IMMP2L: variants seen among roughly 807,000 people sequenced by gnomAD.
The protein encoded by IMMP2L is inner mitochondrial membrane peptidase subunit 2, also known as mitochondrial inner membrane protease subunit 2.
Under a neutral mutation model 19.3 loss-of-function variants are expected in IMMP2L, and 18 were observed. That is an observed-to-expected ratio of 0.93 (90% CI 0.64 to 1.38). The LOEUF (loss-of-function observed/expected upper bound fraction) is 1.38. Among genes scored for constraint, IMMP2L ranks in the 40% most tolerant of loss-of-function variants. IMMP2L has a pLI of 0.00. For missense variants in IMMP2L, 233 were observed against 218.2 expected, an observed-to-expected ratio of 1.07 and a Z score of -0.43; for synonymous variants, 76 against 73.0, an observed-to-expected ratio of 1.04 and a Z score of -0.21.
intron 2 of IMMP2L, among the ~76,000 whole-genome samples, chr7:111,508,692 G>T (rs918220100): frequency 6.6e-6 from 1 of 152,130 alleles, no homozygotes; most frequent in Non-Finnish European, 1.5e-5. Context: ...TTAAAGCAAA[G>T]ACACCACTCA....
chr7:110,785,370 T>G (rs1433455861), intron 5 of IMMP2L, among the ~76,000 whole-genome samples: 1 of 151,968 alleles, frequency 6.6e-6, no homozygotes, highest in African/African-American at 2.4e-5. Context: ...TCCACATCAG[T>G]GTGGCTGGAT....
chr7:111,170,804 A>C (rs1246465969), intron 3 of IMMP2L, among the ~76,000 whole-genome samples: 1 of 151,750 alleles, frequency 6.6e-6, no homozygotes, highest in African/African-American at 2.4e-5. Context: ...TTGTTATAAG[A>C]ATACTGCATA....
At chr7:111,546,509 T>C (rs1357638626) in intron 1 of IMMP2L, among the ~76,000 whole-genome samples, 1 of 152,178 alleles carries the variant, frequency 6.6e-6, no homozygotes, top group African/African-American at 2.4e-5. Context: ...CTTTATATAT[T>C]TATGAAATCA....
chr7:111,374,812 G>A (rs1239754820), intron 3 of IMMP2L, among the ~76,000 whole-genome samples: 1 of 152,122 alleles, frequency 6.6e-6, no homozygotes, highest in African/African-American at 2.4e-5. Context: ...TGAAGACACT[G>A]GATGCTGCAT....
chr7:110,912,120 CA>C (rs537982292), intron 4 of IMMP2L, among the ~76,000 whole-genome samples: 4 of 151,258 alleles, frequency 2.6e-5, no homozygotes, highest in South Asian at 2.1e-4. Context: ...AAACCTAAGA[CA>C]AAAAAAACAA....
chr7:110,776,061 G>A (rs777173283), intron 5 of IMMP2L, among the ~76,000 whole-genome samples: 3 of 151,848 alleles, frequency 2.0e-5, no homozygotes, highest in African/African-American at 4.8e-5. Context: ...TAAATAATCC[G>A]TAATTTGAAT....
intron 3 of IMMP2L, chr7:111,122,488 C>T (rs536579421): frequency 5.9e-4 from 172 of 290,372 alleles, no homozygotes; most frequent in Admixed American, 1.5e-3. Flanking sequence ...AAATGAATTA[C>T]TCAATCTCCT....
chr7:111,310,160 G>C (rs12670206), intron 3 of IMMP2L, among the ~76,000 whole-genome samples: 1 of 151,086 alleles, frequency 6.6e-6, no homozygotes. Context: ...GCTTGAACCC[G>C]GGAGGTGGAG....
chr7:111,022,966 C>A (rs985501556), intron 3 of IMMP2L, among the ~76,000 whole-genome samples: 37 of 152,162 alleles, frequency 2.4e-4, no homozygotes, highest in Non-Finnish European at 4.1e-4. Flanking sequence ...GAGCCATGAA[C>A]CGGACACAAT....
At chr7:111,124,236 C>G in intron 3 of IMMP2L, 1 of 1,613,918 alleles carries the variant, frequency 6.2e-7, no homozygotes, top group Non-Finnish European at 8.5e-7. Flanking sequence ...GCGTAACTCC[C>G]AAAGAAGGGG....
At chr7:111,416,180 C>T (rs1216571471) in intron 3 of IMMP2L, among the ~76,000 whole-genome samples, 1 of 151,766 alleles carries the variant, frequency 6.6e-6, no homozygotes, top group Admixed American at 6.6e-5. Flanking sequence ...TCAGCTATCC[C>T]ATTAAAGTAC....
chr7:111,454,577 CA>C (rs934769304), intron 3 of IMMP2L, among the ~76,000 whole-genome samples: 4 of 151,370 alleles, frequency 2.6e-5, no homozygotes, highest in South Asian at 4.2e-4. Flanking sequence ...TGTATCATTT[CA>C]AAAAAAATTA....
chr7:111,540,768 T>C (rs369992023), intron 1 of IMMP2L, among the ~76,000 whole-genome samples: 1 of 152,188 alleles, frequency 6.6e-6, no homozygotes, highest in African/African-American at 2.4e-5. Flanking sequence ...AATAAATGTA[T>C]CTTGACTGTT....
At chr7:110,694,734 T>G (rs1793753108) in intron 5 of IMMP2L, among the ~76,000 whole-genome samples, 1 of 152,204 alleles carries the variant, frequency 6.6e-6, no homozygotes. Flanking sequence ...CCTAGGTATA[T>G]ATCAAGAATT....
intron 5 of IMMP2L, among the ~76,000 whole-genome samples, chr7:110,882,521 C>T (rs1809791537): frequency 6.6e-6 from 1 of 152,034 alleles, no homozygotes; most frequent in Non-Finnish European, 1.5e-5. Context: ...GCTGAGATTA[C>T]AGGCATGTGC....
At chr7:110,781,443 C>T (rs1799734048) in intron 5 of IMMP2L, among the ~76,000 whole-genome samples, 3 of 151,864 alleles carry the variant, frequency 2.0e-5, no homozygotes, top group South Asian at 4.2e-4. Flanking sequence ...AATATATTCT[C>T]TAATTTCTAA....
At chr7:111,502,758 T>C (rs1438256842) in intron 2 of IMMP2L, among the ~76,000 whole-genome samples, 1 of 150,986 alleles carries the variant, frequency 6.6e-6, no homozygotes, top group Non-Finnish European at 1.5e-5. Context: ...AATAAAGATG[T>C]TCTTTGAAAC....
chr7:111,152,474 C>G (rs567930473), intron 3 of IMMP2L, among the ~76,000 whole-genome samples: 41 of 152,268 alleles, frequency 2.7e-4, no homozygotes, highest in Admixed American at 1.1e-3. Context: ...TTATTTCTCA[C>G]ACTAGCAACT....
At chr7:111,485,007 C>T (rs1002155378) in intron 3 of IMMP2L, among the ~76,000 whole-genome samples, 1 of 151,968 alleles carries the variant, frequency 6.6e-6, no homozygotes, top group African/African-American at 2.4e-5. Flanking sequence ...AGGCTGGTCT[C>T]AAACTCCTGG....
Sources: gnomAD v4.1 joint callset for allele counts (sites outside exome capture counted in the v4.1 genomes callset) on GRCh38, gnomAD v4.1.1 for gene constraint, MANE v1.5 for transcripts, NCBI Gene and HGNC (gene_info 2026-07-23, HGNC 2026-07-21) for gene names.